ABHD12: variants seen among roughly 807,000 people sequenced by gnomAD.
The protein encoded by ABHD12 is abhydrolase domain containing 12, lysophospholipase.
ABHD12 carries 43 observed loss-of-function variants against 58.3 expected under a neutral mutation model. The observed-to-expected ratio is 0.74, with a 90% CI of 0.58 to 0.95. ABHD12 has a LOEUF of 0.95. Among genes scored for constraint, ABHD12 ranks in the 40% least tolerant of loss-of-function variants. ABHD12 has a pLI of 0.00. For synonymous variants in ABHD12, 219 were observed against 211.2 expected (o/e 1.04, Z -0.32); for missense variants, 539 against 537.2 (o/e 1.00, Z -0.03).
At position 25,390,578 on chromosome 20, in the gene ABHD12, C is replaced by T; in HGVS notation, c.126G>A (p.Leu42=). The change falls in exon 1 of 13, where the codon CTG becomes CTA. Residue 42 remains leucine, a synonymous_variant. Transcript: ENST00000339157. ...ADCRLKQNLR[L]TGPAAAEPRC... is the part of the protein sequence containing the mutation. Reference sequence around the variant, plus strand: ...GCGGCTCAGCCGCCGCCGGGCCCGTCAGGCGTAGGTTCTGCTTCAGGCGGC... The same window carrying T: ...GCGGCTCAGCCGCCGCCGGGCCCGTTAGGCGTAGGTTCTGCTTCAGGCGGC... The T allele has an allele frequency of 6.8e-7, 1 of 1,479,168 alleles. No individual in the cohort carries two copies. Among genetic ancestry groups the T allele is most frequent in the Non-Finnish European group, 8.9e-7 (1 of 1,121,910 alleles). The allele number at this position is 1,479,168 out of a possible 1,614,324, so 91.6% of individuals were successfully genotyped here. A position where few individuals can be genotyped will look rare whatever the true frequency, so the allele number is the denominator to read the frequency against.
chr20:25,319,679 C>T (rs555655135), intron 4 of ABHD12, among the ~76,000 whole-genome samples: 2 of 152,304 alleles, frequency 1.3e-5, no homozygotes, highest in South Asian at 2.1e-4. Context: ...CCCAAGAGCG[C>T]GAGGCACCCA....
chr20:25,298,357 C>T (rs1285552401), downstream of ABHD12, among the ~76,000 whole-genome samples: 2 of 152,180 alleles, frequency 1.3e-5, no homozygotes, highest in African/African-American at 2.4e-5. Context: ...CCTCCGCCTC[C>T]TGGGTTCAAG....
chr20:25,339,596 A>G (rs755304697), intron 1 of ABHD12: 137 of 1,467,158 alleles, frequency 9.3e-5, no homozygotes, highest in Middle Eastern at 1.8e-4. Context: ...AAGACATAGA[A>G]ATAGCTAATG....
At chr20:25,364,953 G>A (rs1437191006) in intron 1 of ABHD12, among the ~76,000 whole-genome samples, 4 of 152,156 alleles carry the variant, frequency 2.6e-5, no homozygotes, top group Non-Finnish European at 5.9e-5. Context: ...CCTACGGAGT[G>A]TAGAGTTGGG....
In ABHD12 at chr20:25,390,685, G is replaced by T; in HGVS notation, c.19C>A (p.Pro7Thr). ...CAGCGCTCATGCTCCAAGGCGACGG[G>T]CTCGGTCCGCTTCCTCATCCCGCGG... is the stretch of plus-strand genomic sequence containing the variant. MRKRTE[P>T]VALEHERCAA... The change falls in exon 1 of 13, where the codon CCC becomes ACC. Residue 7 changes from proline to threonine, a missense_variant. Pro to Thr is a conservative substitution (Grantham distance 38). Coordinates refer to ENST00000339157, the MANE Select transcript of ABHD12 (RefSeq NM_001042472.3). 7.1e-7 allele frequency: 1 copy of T among 1,414,350 alleles called. No individual in the cohort carries two copies. Among genetic ancestry groups the T allele is most frequent in the African/African-American group, 1.5e-5 (1 of 66,796 alleles). The allele number at this position is 1,414,350 out of a possible 1,614,324, so 87.6% of individuals were successfully genotyped here. A position where few individuals can be genotyped will look rare whatever the true frequency, so the allele number is the denominator to read the frequency against.
downstream of ABHD12, chr20:25,295,583 G>A: frequency 6.2e-7 from 1 of 1,611,702 alleles, no homozygotes; most frequent in South Asian, 1.1e-5. Flanking sequence ...CCCTGGCCCA[G>A]CCTCCTTTCT....
chr20:25,343,918 AC>A (rs2089486722), intron 1 of ABHD12, among the ~76,000 whole-genome samples: 1 of 152,266 alleles, frequency 6.6e-6, no homozygotes, highest in African/African-American at 2.4e-5. Context: ...AGAATTATAC[AC>A]TACGGCCAAG....
At chr20:25,314,325 A>T (rs1456127615) in intron 6 of ABHD12, among the ~76,000 whole-genome samples, 1 of 152,130 alleles carries the variant, frequency 6.6e-6, no homozygotes, top group Non-Finnish European at 1.5e-5. Flanking sequence ...AGCTTTGATG[A>T]GCATAAACCA....
chr20:25,380,399 A>T (rs1440163328), intron 1 of ABHD12, among the ~76,000 whole-genome samples: 1 of 152,120 alleles, frequency 6.6e-6, no homozygotes, highest in Non-Finnish European at 1.5e-5. Context: ...AAGTTGTCCT[A>T]TGGCATAGTG....
At chr20:25,338,448 C>T (rs543138671) in intron 2 of ABHD12, among the ~76,000 whole-genome samples, 3 of 152,350 alleles carry the variant, frequency 2.0e-5, no homozygotes, top group Admixed American at 2.0e-4. Flanking sequence ...TGTTCTCAAA[C>T]CTCGAACCCA....
At chr20:25,301,968 C>G (rs542875921) in intron 12 of ABHD12, among the ~76,000 whole-genome samples, 1 of 152,222 alleles carries the variant, frequency 6.6e-6, no homozygotes, top group Non-Finnish European at 1.5e-5. Flanking sequence ...TGTGTGCCCC[C>G]CCGTGTGGGT....
chr20:25,388,805 T>TTTTG (rs2090130333), intron 1 of ABHD12, among the ~76,000 whole-genome samples: 1 of 148,108 alleles, frequency 6.8e-6, no homozygotes, highest in African/African-American at 2.6e-5. Flanking sequence ...TTTTTTTTTT[T>TTTTG]GAGACGGAGT....
At chr20:25,310,816 A>G (rs1474367076) in intron 6 of ABHD12, among the ~76,000 whole-genome samples, 2 of 152,200 alleles carry the variant, frequency 1.3e-5, no homozygotes, top group Non-Finnish European at 2.9e-5. Context: ...TGAGAGAGAC[A>G]GAGGGACAGT....
intron 2 of ABHD12, among the ~76,000 whole-genome samples, chr20:25,333,237 C>T (rs1475148825): frequency 8.9e-6 from 1 of 112,654 alleles, no homozygotes; most frequent in African/African-American, 3.0e-5. Context: ...GACACATACA[C>T]CCTCCGAAGA....
At chr20:25,364,870 C>T (rs991733989) in intron 1 of ABHD12, among the ~76,000 whole-genome samples, 17 of 152,216 alleles carry the variant, frequency 1.1e-4, no homozygotes, top group African/African-American at 3.9e-4. Flanking sequence ...GAAGAGGTGA[C>T]CATACAGATC....
intron 4 of ABHD12, among the ~76,000 whole-genome samples, chr20:25,317,638 T>C (rs2088986695): frequency 6.6e-6 from 1 of 152,254 alleles, no homozygotes; most frequent in African/African-American, 2.4e-5. Context: ...ACATGGGATA[T>C]GCTCCTAGAA....
intron 1 of ABHD12, among the ~76,000 whole-genome samples, chr20:25,378,960 C>A (rs1054078815): frequency 6.6e-6 from 1 of 152,180 alleles, no homozygotes; most frequent in South Asian, 2.1e-4. Flanking sequence ...CCCACAACTA[C>A]CATATGAAGA....
chr20:25,306,926 G>A lies in ABHD12; in HGVS notation c.868-11C>T, dbSNP rs752583566. ...GAAGTATCGATATATCTGGAGACAA[G>A]ATGGAAACCATTTTCAGAAGCGTTG... On this transcript the variant is annotated splice_polypyrimidine_tract_variant and intron_variant, in intron 9 of 12. Coordinates refer to ENST00000339157, the MANE Select transcript of ABHD12 (RefSeq NM_001042472.3). The A allele has an allele frequency of 3.8e-6, 6 of 1,590,308 alleles. No individual in the cohort carries two copies. Among genetic ancestry groups the A allele is most frequent in the Non-Finnish European group, 5.2e-6 (6 of 1,159,650 alleles).
Position 25,308,030 on chromosome 20 carries a change from G to C in ABHD12, c.803C>G (p.Ala268Gly), listed in dbSNP as rs750103211. Residue 268 changes from alanine to glycine, a missense_variant, in exon 9 of 13, where the codon GCC (alanine) becomes GGC (glycine). Physicochemically the swap from Ala to Gly is moderately conservative, Grantham distance 60. Coordinates refer to ENST00000339157, the MANE Select transcript of ABHD12 (RefSeq NM_001042472.3). ...RLCERETPPD[A>G]LILESPFTNI... ...AGTGAATGGAGATTCCAATATAAGG[G>C]CATCTGGAGGCGTCTCTAGATAAAC... The C allele has an allele frequency of 6.2e-7, 1 of 1,606,356 alleles. No individual in the cohort carries two copies. Among genetic ancestry groups the C allele is most frequent in the Admixed American group, 1.7e-5 (1 of 60,014 alleles).
Sources: allele counts gnomAD v4.1 joint callset (sites outside exome capture counted in the v4.1 genomes callset), GRCh38; gene constraint gnomAD v4.1.1; transcripts MANE v1.5; gene names NCBI Gene and HGNC (gene_info 2026-07-23, HGNC 2026-07-21).